SUSD6: variants seen among roughly 807,000 people sequenced by gnomAD.
SUSD6 encodes sushi domain-containing protein 6.
In SUSD6, 16 loss-of-function variants were observed where a neutral mutation model predicts 28.4. The observed-to-expected ratio is 0.56, with a 90% CI of 0.38 to 0.86. The LOEUF (loss-of-function observed/expected upper bound fraction) is 0.86. Ranked by LOEUF, SUSD6 falls within the 40% of genes least tolerant of loss-of-function variation. The pLI is 0.00. For synonymous variants in SUSD6, 147 were observed against 159.6 expected (o/e 0.92, Z 0.59); for missense variants, 341 against 384.2 (o/e 0.89, Z 0.94).
At chr14:69,631,907 C>G (rs1193226162) in intron 1 of SUSD6, among the ~76,000 whole-genome samples, 2 of 152,164 alleles carry the variant, frequency 1.3e-5, no homozygotes, top group Non-Finnish European at 2.9e-5. Context: ...CTAGGGTGGT[C>G]AGAATCTGTC....
chr14:69,658,822 A>G (rs1885622754), intron 2 of SUSD6, 109 bp downstream of exon 2: 1 of 1,432,562 alleles, frequency 7.0e-7, no homozygotes, highest in African/African-American at 1.4e-5. Context: ...TTTCAGGGAG[A>G]GCAGAGGGTG....
rs758724357 is a variant in SUSD6, at chr14:69,710,922, A to G, written c.887-32A>G. 4.3e-6 allele frequency: 7 copies of G among 1,612,412 alleles called. No individual in the cohort carries two copies. In the Admixed American group the frequency reaches 1.0e-4, roughly 23 times the overall value. On this transcript the variant is annotated intron_variant, in intron 5 of 5. Transcript: ENST00000342745. ...GTGCTCTAGAGTTCCACACAAGGTA[A>G]CCACTGTGCTTTTCTTCTGGTCTTC...
intron 2 of SUSD6, among the ~76,000 whole-genome samples, chr14:69,684,375 A>G (rs1230404113): frequency 1.3e-5 from 2 of 152,222 alleles, no homozygotes; most frequent in African/African-American, 4.8e-5. Context: ...TCTTAGTAGA[A>G]TATGTATCTA....
Position 69,713,985 on chromosome 14 carries a change from C to T in SUSD6, c.*3006C>T, listed in dbSNP as rs1886509255. On this transcript the variant is annotated 3_prime_UTR_variant, in exon 6 of 6. Transcript: ENST00000342745. Reference sequence around the variant, plus strand: ...CCGTCCCTTCCATGCCTTAGTTTAGCAGGTAGGCTCTATCTTTTGCCATTT... The same window carrying T: ...CCGTCCCTTCCATGCCTTAGTTTAGTAGGTAGGCTCTATCTTTTGCCATTT... 1 of 152,034 alleles carries T rather than the reference C, an allele frequency of 6.6e-6. No homozygotes were observed. Among genetic ancestry groups the T allele is most frequent in the Non-Finnish European group, 1.5e-5 (1 of 68,002 alleles). 9.4% of individuals were successfully genotyped at this position (152,034 alleles called of 1,614,324 possible). A position where few individuals can be genotyped will look rare whatever the true frequency, so the allele number is the denominator to read the frequency against.
intron 1 of SUSD6, among the ~76,000 whole-genome samples, chr14:69,648,242 A>G (rs1441211077): frequency 6.6e-6 from 1 of 152,230 alleles, no homozygotes; most frequent in Non-Finnish European, 1.5e-5. Flanking sequence ...TAGAAAGGAA[A>G]TAGAGGTCCG....
rs969722937 is a variant in SUSD6, at chr14:69,711,124, A to G, written c.*145A>G. The G allele has an allele frequency of 1.1e-5, 8 of 740,678 alleles. No homozygotes were observed. The highest frequency in any genetic ancestry group is 1.1e-4 in the African/African-American group (6 of 56,956). 45.9% of individuals were successfully genotyped at this position (740,678 alleles called of 1,614,324 possible). A position where few individuals can be genotyped will look rare whatever the true frequency, so the allele number is the denominator to read the frequency against. ...GTATCTGTGTATCTCTGAGGGCCCT[A>G]TAGGCCCACCTTGCTGGAAACTCAA... On this transcript the variant is annotated 3_prime_UTR_variant, in exon 6 of 6. Coordinates refer to ENST00000342745, the MANE Select transcript of SUSD6 (RefSeq NM_014734.4).
chr14:69,633,754 C>T (rs1301442304), intron 1 of SUSD6, among the ~76,000 whole-genome samples: 1 of 152,168 alleles, frequency 6.6e-6, no homozygotes, highest in Non-Finnish European at 1.5e-5. Context: ...TTTGGGTTTG[C>T]AGCCTCCTCA....
chr14:69,644,987 G>A (rs945454538), intron 1 of SUSD6, among the ~76,000 whole-genome samples: 7 of 152,306 alleles, frequency 4.6e-5, no homozygotes, highest in African/African-American at 1.7e-4. Context: ...CAGTGGGCAA[G>A]TTCCTACTTC....
At chr14:69,636,830 G>A (rs1885272795) in intron 1 of SUSD6, among the ~76,000 whole-genome samples, 1 of 152,194 alleles carries the variant, frequency 6.6e-6, no homozygotes, top group Admixed American at 6.5e-5. Flanking sequence ...CTCAGTCAGT[G>A]GTCAGATTCT....
chr14:69,707,584 C>A (rs555700147), intron 4 of SUSD6, among the ~76,000 whole-genome samples: 1 of 151,708 alleles, frequency 6.6e-6, no homozygotes, highest in South Asian at 2.1e-4. Context: ...GGAGAAACTC[C>A]GTCTCTACAA....
chr14:69,670,416 A>C, intron 2 of SUSD6: 1 of 456,626 alleles, frequency 2.2e-6, no homozygotes. Context: ...ACTGCACTAC[A>C]CAGGAATACT....
At chr14:69,686,861 T>C (rs1886081312) in intron 2 of SUSD6, among the ~76,000 whole-genome samples, 1 of 152,226 alleles carries the variant, frequency 6.6e-6, no homozygotes, top group Non-Finnish European at 1.5e-5. Flanking sequence ...AGTCAAACCA[T>C]ATCATTGACC....
chr14:69,705,409 C>T (rs1886374366), intron 4 of SUSD6, among the ~76,000 whole-genome samples: 1 of 152,006 alleles, frequency 6.6e-6, no homozygotes, highest in Non-Finnish European at 1.5e-5. Flanking sequence ...AGCGTGGTTC[C>T]AGCAGCGTCA....
At chr14:69,700,880 G>A (rs1463281171) in intron 2 of SUSD6, among the ~76,000 whole-genome samples, 6 of 152,136 alleles carry the variant, frequency 3.9e-5, no homozygotes, top group African/African-American at 1.2e-4. Context: ...TTTCCCATGA[G>A]TCTGTTTTTT....
intron 1 of SUSD6, among the ~76,000 whole-genome samples, chr14:69,654,377 T>A (rs1033053364): frequency 1.3e-5 from 2 of 152,208 alleles, no homozygotes; most frequent in Non-Finnish European, 2.9e-5. Flanking sequence ...GTGAGACAGA[T>A]AAACAAATAG....
chr14:69,632,573 G>A (rs906010177), intron 1 of SUSD6, among the ~76,000 whole-genome samples: 1 of 151,892 alleles, frequency 6.6e-6, no homozygotes, highest in Non-Finnish European at 1.5e-5. Context: ...AGAATTGTCA[G>A]CTCCTCCTTT....
At chr14:69,668,635 C>CAA (rs11462807) in intron 2 of SUSD6, among the ~76,000 whole-genome samples, 3,548 of 137,858 alleles carry the variant, frequency 0.026, 67 homozygotes, top group East Asian at 0.045. Context: ...GAATTCGTCT[C>CAA]AAAAAAAAAA....
At chr14:69,627,060 AC>A (rs1885125231) in intron 1 of SUSD6, among the ~76,000 whole-genome samples, 1 of 152,006 alleles carries the variant, frequency 6.6e-6, no homozygotes, top group South Asian at 2.1e-4. Flanking sequence ...GATGTTAAAG[AC>A]CTCATGGAAG....
At chr14:69,638,145 C>G (rs1201388758) in intron 1 of SUSD6, among the ~76,000 whole-genome samples, 1 of 152,052 alleles carries the variant, frequency 6.6e-6, no homozygotes, top group African/African-American at 2.4e-5. Flanking sequence ...AACTTTGGAC[C>G]CTTGTTATTC....
Sources: allele counts gnomAD v4.1 joint callset (sites outside exome capture counted in the v4.1 genomes callset), GRCh38; gene constraint gnomAD v4.1.1; transcripts MANE v1.5; gene names NCBI Gene and HGNC (gene_info 2026-07-23, HGNC 2026-07-21).